C12orf42: variants seen among roughly 807,000 people sequenced by gnomAD.
The protein encoded by C12orf42 is chromosome 12 open reading frame 42.
A neutral mutation model predicts 21.6 loss-of-function variants in C12orf42; 25 were observed. That is an observed-to-expected ratio of 1.16 (90% CI 0.84 to 1.62). The LOEUF (loss-of-function observed/expected upper bound fraction) is 1.62. Among genes scored for constraint, C12orf42 ranks in the 40% most tolerant of loss-of-function variants. C12orf42 has a pLI of 0.00. For synonymous variants in C12orf42, 174 were observed against 175.0 expected (o/e 0.99, Z 0.05); for missense variants, 483 against 459.3 (o/e 1.05, Z -0.47).
At chr12:103,104,550 C>T in the C12orf42 span, among the ~76,000 whole-genome samples, 2 of 152,188 alleles carry the variant, frequency 1.3e-5, no homozygotes, top group East Asian at 3.9e-4. Context: ...AAGCAATTCC[C>T]CTGCCTCAGC....
intron 4 of C12orf42, among the ~76,000 whole-genome samples, chr12:103,359,185 C>CA (rs1555269059): frequency 5.8e-4 from 88 of 151,472 alleles, no homozygotes; most frequent in Middle Eastern, 3.4e-3. Flanking sequence ...ATTCAATAAT[C>CA]TTTTTTTTTA....
intron 2 of C12orf42, among the ~76,000 whole-genome samples, chr12:103,421,103 G>A (rs1375052752): frequency 6.6e-6 from 1 of 152,104 alleles, no homozygotes; most frequent in African/African-American, 2.4e-5. Flanking sequence ...TAGGGACCAA[G>A]AAGCCTGTCT....
the C12orf42 span, among the ~76,000 whole-genome samples, chr12:103,146,824 A>C: frequency 6.6e-6 from 1 of 152,198 alleles, no homozygotes; most frequent in Admixed American, 6.5e-5. Context: ...ATTATCTACC[A>C]ATTGTGGTTT....
chr12:103,481,332 A>C (rs979754011), intron 1 of C12orf42, among the ~76,000 whole-genome samples: 8 of 151,908 alleles, frequency 5.3e-5, no homozygotes, highest in African/African-American at 1.9e-4. Context: ...AAAGTAAATA[A>C]GGAAAAACTT....
At chr12:103,127,530 T>C in the C12orf42 span, among the ~76,000 whole-genome samples, 5 of 152,258 alleles carry the variant, frequency 3.3e-5, no homozygotes, top group Non-Finnish European at 5.9e-5. Context: ...TGTACATACA[T>C]ACATACATGA....
intron 2 of C12orf42, among the ~76,000 whole-genome samples, chr12:103,411,859 A>C (rs2048875688): frequency 6.6e-6 from 1 of 152,250 alleles, no homozygotes; most frequent in Non-Finnish European, 1.5e-5. Flanking sequence ...ATGCATGCAC[A>C]CAAACACACA....
the C12orf42 span, chr12:103,081,162 C>G: frequency 6.6e-6 from 1 of 152,228 alleles, no homozygotes; most frequent in Non-Finnish European, 1.5e-5. Flanking sequence ...AAGCACACTT[C>G]TCATTCACCA....
chr12:103,408,041 G>A (rs7960043), intron 2 of C12orf42, among the ~76,000 whole-genome samples: 123,421 of 152,102 alleles, frequency 0.81, 50,169 homozygotes, highest in Admixed American at 0.87. Context: ...ATAAAGCCCC[G>A]TGGTAGGACT....
the C12orf42 span, among the ~76,000 whole-genome samples, chr12:103,160,179 C>G: frequency 6.6e-6 from 1 of 152,302 alleles, no homozygotes; most frequent in South Asian, 2.1e-4. Context: ...CATCATTGAT[C>G]CTTCCCAGAA....
chr12:103,340,437 T>C (rs11111535), intron 4 of C12orf42, among the ~76,000 whole-genome samples: 18,542 of 152,220 alleles, frequency 0.12, 1,401 homozygotes, highest in African/African-American at 0.21. Context: ...GGAATTAGCC[T>C]AAGACTAACT....
intron 2 of C12orf42, among the ~76,000 whole-genome samples, chr12:103,440,810 GA>G (rs201442276): frequency 2.0e-5 from 3 of 150,492 alleles, no homozygotes; most frequent in Non-Finnish European, 4.4e-5. Context: ...GTTCTACAGT[GA>G]AAAAAAAAGT....
At chr12:103,290,889 GA>G (rs2036766586) in intron 4 of C12orf42, among the ~76,000 whole-genome samples, 1 of 151,968 alleles carries the variant, frequency 6.6e-6, no homozygotes, top group African/African-American at 2.4e-5. Flanking sequence ...GGAAGGGTGG[GA>G]GGGGGGTGAG....
intron 1 of C12orf42, among the ~76,000 whole-genome samples, chr12:103,479,312 G>A (rs1954293607): frequency 6.6e-6 from 1 of 152,066 alleles, no homozygotes; most frequent in Non-Finnish European, 1.5e-5. Flanking sequence ...TTTTGAGATA[G>A]TTCAATCAAT....
the C12orf42 span, among the ~76,000 whole-genome samples, chr12:103,165,277 G>C: frequency 1.3e-5 from 2 of 152,214 alleles, no homozygotes; most frequent in African/African-American, 4.8e-5. Flanking sequence ...AAACCAAAGT[G>C]GGAAACCGGG....
intron 2 of C12orf42, among the ~76,000 whole-genome samples, chr12:103,471,256 A>G (rs983075337): frequency 6.6e-6 from 1 of 152,166 alleles, no homozygotes; most frequent in Non-Finnish European, 1.5e-5. Flanking sequence ...TGAAAAAGAG[A>G]CTTGAAAGTC....
At chr12:103,168,969 A>G in the C12orf42 span, among the ~76,000 whole-genome samples, 1 of 151,986 alleles carries the variant, frequency 6.6e-6, no homozygotes, top group African/African-American at 2.4e-5. Flanking sequence ...ATGAGAACAT[A>G]TGGGCACAGG....
the C12orf42 span, among the ~76,000 whole-genome samples, chr12:103,062,657 G>T: frequency 2.0e-5 from 3 of 152,128 alleles, no homozygotes; most frequent in African/African-American, 7.2e-5. Flanking sequence ...TTCATTTGCT[G>T]CTTTTAAAAT....
intron 4 of C12orf42, among the ~76,000 whole-genome samples, chr12:103,350,202 T>C (rs2042990620): frequency 6.6e-6 from 1 of 152,176 alleles, no homozygotes; most frequent in African/African-American, 2.4e-5. Flanking sequence ...AGTCTGAAAA[T>C]ATTAAATGGA....
downstream of C12orf42, among the ~76,000 whole-genome samples, chr12:103,234,720 C>CT (rs1031058111): frequency 1.7e-4 from 26 of 152,242 alleles, no homozygotes; most frequent in African/African-American, 6.3e-4. Flanking sequence ...ATTATAATGT[C>CT]TTTCCCCAAC....
Sources: gnomAD v4.1 joint callset for allele counts (sites outside exome capture counted in the v4.1 genomes callset) on GRCh38, gnomAD v4.1.1 for gene constraint, MANE v1.5 for transcripts, NCBI Gene and HGNC (gene_info 2026-07-23, HGNC 2026-07-21) for gene names.